ATRNL1: variants seen among roughly 807,000 people sequenced by gnomAD.
ATRNL1 encodes the protein attractin-like protein 1.
In ATRNL1, 95 loss-of-function variants were observed where a neutral mutation model predicts 182.7. That is an observed-to-expected ratio of 0.52 (90% CI 0.44 to 0.62). The LOEUF is 0.62. ATRNL1 is among the 20% of genes least tolerant of loss of function. The probability of loss-of-function intolerance (pLI) is 0.00; values close to 1 mark genes in which losing one functional copy is unlikely to be tolerated. For missense variants in ATRNL1, 1,471 were observed against 1,679.5 expected (o/e 0.88, Z 2.17); for synonymous variants, 576 against 568.3 (o/e 1.01, Z -0.19).
intron 1 of ATRNL1, among the ~76,000 whole-genome samples, chr10:115,110,669 A>G (rs914556251): frequency 7.9e-5 from 12 of 151,854 alleles, no homozygotes; most frequent in African/African-American, 2.9e-4. Context: ...TACCAGCAGT[A>G]AAAACAAATT....
intron 15 of ATRNL1, among the ~76,000 whole-genome samples, chr10:115,288,271 T>C (rs1852724352): frequency 6.6e-6 from 1 of 152,188 alleles, no homozygotes; most frequent in African/African-American, 2.4e-5. Flanking sequence ...GAACAAATGA[T>C]AGTTCTATTT....
chr10:115,905,591 G>A (rs1952479823), intron 28 of ATRNL1, among the ~76,000 whole-genome samples: 1 of 152,040 alleles, frequency 6.6e-6, no homozygotes, highest in Admixed American at 6.6e-5. Context: ...TATGACCTGT[G>A]AATATAAATT....
intron 10 of ATRNL1, among the ~76,000 whole-genome samples, chr10:115,259,474 A>G (rs1554908104): frequency 6.6e-6 from 1 of 152,192 alleles, no homozygotes; most frequent in East Asian, 1.9e-4. Flanking sequence ...ACTTTGGGAA[A>G]AGCGCAGTAT....
chr10:115,508,649 C>T (rs1021589905), intron 24 of ATRNL1, among the ~76,000 whole-genome samples: 4 of 151,914 alleles, frequency 2.6e-5, no homozygotes, highest in Admixed American at 1.3e-4. Context: ...ATAACATTCC[C>T]GTAAACCTAA....
At chr10:115,642,346 G>T (rs191284907) in intron 26 of ATRNL1, among the ~76,000 whole-genome samples, 1 of 151,798 alleles carries the variant, frequency 6.6e-6, no homozygotes, top group East Asian at 1.9e-4. Context: ...AACTAATGAA[G>T]AAATAGACAT....
Position 115,281,380 on chromosome 10 carries a change from A to G in ATRNL1, c.2126A>G (p.His709Arg), listed in dbSNP as rs782208001. 3 of 1,612,974 alleles carry G rather than the reference A, an allele frequency of 1.9e-6. No homozygotes were observed. The highest frequency in any genetic ancestry group is 2.5e-6 in the Non-Finnish European group (3 of 1,179,476). ...TCTGTCAAGAACTACACCAAATGTC[A>G]TGTGAGAAATGAGCAGATTTGTAAC... ...SMSVKNYTKC[H>R]VRNEQICNKL... The change falls in exon 14 of 29, where the codon CAT becomes CGT. Residue 709 changes from histidine (H) to arginine (R), a missense_variant. By Grantham distance (29) the His-to-Arg change is conservative (BLOSUM62 0). This residue lies in a region of ATRNL1 where 1,031 missense variants were observed against 1,156.0 expected (regional missense o/e 0.89). Coordinates refer to ENST00000355044, the MANE Select transcript of ATRNL1 (RefSeq NM_207303.4).
chr10:115,562,028 C>T (rs1251415427), intron 26 of ATRNL1, among the ~76,000 whole-genome samples: 1 of 151,986 alleles, frequency 6.6e-6, no homozygotes, highest in African/African-American at 2.4e-5. Flanking sequence ...TAGGTGAATA[C>T]TGAAGAAAAA....
chr10:115,467,470 ATAT>A (rs1333223688), intron 23 of ATRNL1, among the ~76,000 whole-genome samples: 2 of 150,924 alleles, frequency 1.3e-5, no homozygotes, highest in Non-Finnish European at 3.0e-5. Flanking sequence ...TTGGTAACAA[ATAT>A]TATACACTAA....
At chr10:115,687,832 G>A (rs1946266820) in intron 26 of ATRNL1, among the ~76,000 whole-genome samples, 3 of 152,004 alleles carry the variant, frequency 2.0e-5, no homozygotes, top group African/African-American at 2.4e-5. Flanking sequence ...GTTCTCTCTT[G>A]TACTTATTTC....
chr10:115,506,798 G>A (rs192816384), intron 24 of ATRNL1, among the ~76,000 whole-genome samples: 1 of 152,152 alleles, frequency 6.6e-6, no homozygotes, highest in African/African-American at 2.4e-5. Flanking sequence ...CTGATATCAA[G>A]CACCAATAGG....
In ATRNL1 at chr10:115,796,759, A is replaced by G. The variant is rs964973847; in HGVS notation, c.3904-51118A>G. On this transcript the variant is annotated intron_variant, in intron 27 of 28. Transcript: ENST00000355044. The stretch of plus-strand genomic sequence containing the variant: ...GTCCTCCAAAGAGGATCTTTCTGAA[A>G]AAATGTAACAAAATGAAGCCTTTTC... Among the ~76,000 whole-genome samples the G allele has an allele frequency of 3.3e-5, 5 of 152,240 alleles. No individual in the cohort carries two copies. In the East Asian group the frequency reaches 7.7e-4, roughly 23 times the overall value.
At chr10:115,931,109 G>A (rs1393473092) in intron 28 of ATRNL1, among the ~76,000 whole-genome samples, 2 of 152,054 alleles carry the variant, frequency 1.3e-5, no homozygotes, top group African/African-American at 2.4e-5. Context: ...TATCCAGGTT[G>A]ATTATAAGCC....
At chr10:115,152,369 T>G (rs2143916745) in intron 5 of ATRNL1, among the ~76,000 whole-genome samples, 1 of 152,328 alleles carries the variant, frequency 6.6e-6, no homozygotes, top group East Asian at 1.9e-4. Flanking sequence ...CTTCCATTTG[T>G]TTGTGTCCTC....
chr10:115,283,449 G>A (rs887301628), intron 14 of ATRNL1, among the ~76,000 whole-genome samples: 27 of 152,064 alleles, frequency 1.8e-4, no homozygotes, highest in Admixed American at 3.9e-4. Context: ...CCATTGAGGC[G>A]CTGGAATGTC....
chr10:115,115,889 G>A (rs1391894497), intron 1 of ATRNL1, among the ~76,000 whole-genome samples: 1 of 152,046 alleles, frequency 6.6e-6, no homozygotes, highest in African/African-American at 2.4e-5. Context: ...TCTAATATTT[G>A]TGCTGGTTTT....
At chr10:115,855,775 T>C (rs1365153141) in intron 28 of ATRNL1, among the ~76,000 whole-genome samples, 5 of 152,280 alleles carry the variant, frequency 3.3e-5, no homozygotes, top group Admixed American at 2.0e-4. Flanking sequence ...TTTCAATGGA[T>C]TACATCTATG....
intron 18 of ATRNL1, among the ~76,000 whole-genome samples, chr10:115,317,579 G>T (rs1554930100): frequency 6.6e-6 from 1 of 152,048 alleles, no homozygotes; most frequent in Non-Finnish European, 1.5e-5. Context: ...TGCAGTGCTT[G>T]CTTTGTAGTT....
chr10:115,844,236 C>T (rs1160203383), intron 27 of ATRNL1, among the ~76,000 whole-genome samples: 1 of 152,084 alleles, frequency 6.6e-6, no homozygotes, highest in Non-Finnish European at 1.5e-5. Context: ...TCAGATAATT[C>T]TGTTAAGCCC....
intron 1 of ATRNL1, among the ~76,000 whole-genome samples, chr10:115,104,042 C>T (rs1392583137): frequency 6.6e-6 from 1 of 152,170 alleles, no homozygotes; most frequent in Non-Finnish European, 1.5e-5. Flanking sequence ...GATTTCCTTT[C>T]TTTTAGGTAA....
Sources: gnomAD v4.1 joint callset for allele counts (sites outside exome capture counted in the v4.1 genomes callset) on GRCh38, gnomAD v4.1.1 for gene constraint, gnomAD v4.1.1 regional missense constraint, MANE v1.5 for transcripts, NCBI Gene and HGNC (gene_info 2026-07-23, HGNC 2026-07-21) for gene names.